The following PRRC2B variants were observed in gnomAD, a reference collection of about 807,000 sequenced individuals.
PRRC2B encodes proline rich coiled-coil 2B, also known as protein PRRC2B.
A neutral mutation model predicts 242.3 loss-of-function variants in PRRC2B; 68 were observed. The ratio of observed to expected loss-of-function variants is 0.28; its 90% CI spans 0.23 to 0.34. PRRC2B has a LOEUF of 0.34. Among genes scored for constraint, PRRC2B ranks in the 10% least tolerant of loss-of-function variants. The probability of loss-of-function intolerance (pLI) is 1.00; values close to 1 mark genes in which losing one functional copy is unlikely to be tolerated. For missense variants in PRRC2B, 2,835 were observed against 2,954.8 expected, an observed-to-expected ratio of 0.96 and a Z score of 0.94; for synonymous variants, 1,228 against 1,173.6, an observed-to-expected ratio of 1.05 and a Z score of -0.95.
At chr9:131,395,748 AAACATTAGTGGGC>A (rs2131275406) in intron 1 of PRRC2B, among the ~76,000 whole-genome samples, 1 of 152,324 alleles carries the variant, frequency 6.6e-6, no homozygotes, top group East Asian at 1.9e-4. Context: ...TTCAAGGCCC[AAACATTAGTGGGC>A]GCTTATACAG....
At chr9:131,488,669 G>A (rs1944096431) in intron 28 of PRRC2B, among the ~76,000 whole-genome samples, 1 of 152,068 alleles carries the variant, frequency 6.6e-6, no homozygotes, top group Non-Finnish European at 1.5e-5. Context: ...TGTGCAGTAG[G>A]GTGTGGAATG....
intron 1 of PRRC2B, among the ~76,000 whole-genome samples, chr9:131,379,112 TC>T (rs1205794675): frequency 1.3e-4 from 20 of 152,314 alleles, no homozygotes; most frequent in Admixed American, 4.6e-4. Context: ...TCAGCTTCTT[TC>T]CCTTAGCATA....
intron 1 of PRRC2B, among the ~76,000 whole-genome samples, chr9:131,376,673 G>A (rs143341227): frequency 6.6e-5 from 10 of 152,232 alleles, no homozygotes; most frequent in African/African-American, 2.2e-4. Flanking sequence ...TCCTTGCAGC[G>A]CCACTTGGAA....
Position 131,479,282 on chromosome 9 carries a change from C to T in PRRC2B, c.4789C>T (p.Arg1597Cys), listed in dbSNP as rs749706677. ...TGTCAAAGGTCGAGGCCTTTCCTCC[C>T]GTATTCCTCCTCGATTTGCAAAAAA... ...VPVKGRGLSS[R>C]IPPRFAKKQN... is the part of the protein sequence containing the mutation. The change falls in exon 19 of 32, where the codon CGT becomes TGT. Residue 1597 changes from arginine to cysteine, a missense_variant. By Grantham distance (180) the Arg-to-Cys change is radical (BLOSUM62 -3). This residue lies in a region of PRRC2B where 1,536 missense variants were observed against 1,483.1 expected (regional missense o/e 1.04). Transcript: ENST00000683519. The T allele has an allele frequency of 8.1e-6, 13 of 1,613,806 alleles. No homozygotes were observed. Among genetic ancestry groups the T allele is most frequent in the Admixed American group, 1.7e-5 (1 of 60,020 alleles).
At chr9:131,454,563 C>T (rs566687317) in intron 9 of PRRC2B, among the ~76,000 whole-genome samples, 14 of 152,186 alleles carry the variant, frequency 9.2e-5, no homozygotes, top group Non-Finnish European at 2.1e-4. Context: ...GACTCAGCTC[C>T]TCTGCTGGGA....
At chr9:131,463,628 C>CTTTTTTTT (rs374951504) in intron 11 of PRRC2B, among the ~76,000 whole-genome samples, 6 of 125,780 alleles carry the variant, frequency 4.8e-5, no homozygotes, top group Admixed American at 8.9e-5. Context: ...TTTAGGCATG[C>CTTTTTTTT]TTTTTTTTTT....
chr9:131,481,790 C>G lies in PRRC2B; in HGVS notation c.4965C>G (p.Thr1655=). Reference sequence around the variant, plus strand: ...AAGCTGTCACTGCCTTCAGCAGCACCGAGACTGGCTCTGCGGAGGTGAGTG... The same window carrying G: ...AAGCTGTCACTGCCTTCAGCAGCACGGAGACTGGCTCTGCGGAGGTGAGTG... ...WRKAVTAFSS[T]ETGSAEQGFK... is the part of the protein sequence containing the mutation. Residue 1655 remains threonine, a synonymous_variant, in exon 20 of 32, where the codon ACC becomes ACG. Transcript: ENST00000683519. The G allele has an allele frequency of 1.3e-6, 2 of 1,561,274 alleles. No individual in the cohort carries two copies. Among genetic ancestry groups the G allele is most frequent in the Non-Finnish European group, 1.7e-6 (2 of 1,154,780 alleles).
chr9:131,471,062 C>T, intron 14 of PRRC2B, 79 bp downstream of exon 14: 1 of 1,021,664 alleles, frequency 9.8e-7, no homozygotes, highest in South Asian at 1.5e-5. Flanking sequence ...TCGAGTTAAA[C>T]AGATACACCT....
At chr9:131,416,975 G>A (rs1333842603) in intron 1 of PRRC2B, among the ~76,000 whole-genome samples, 1 of 151,508 alleles carries the variant, frequency 6.6e-6, no homozygotes, top group East Asian at 1.9e-4. Context: ...GGCACTGTCT[G>A]TTTCCTCTGT....
chr9:131,460,199 G>A (rs12555706), intron 11 of PRRC2B, among the ~76,000 whole-genome samples: 16,814 of 152,098 alleles, frequency 0.11, 1,022 homozygotes, highest in Non-Finnish European at 0.13. Flanking sequence ...ATTGATTGTC[G>A]TTTAATCTGC....
Position 131,459,273 on chromosome 9 carries a change from G to A in PRRC2B, c.1321G>A (p.Ala441Thr). The A allele has an allele frequency of 6.2e-7, 1 of 1,613,986 alleles. No individual in the cohort carries two copies. Among genetic ancestry groups the A allele is most frequent in the African/African-American group, 1.3e-5 (1 of 75,040 alleles). Residue 441 changes from alanine (A) to threonine (T), a missense_variant, in exon 11 of 32, where the codon GCG becomes ACG. Around this residue, in one of 7 missense-constraint regions of PRRC2B, gnomAD observed 626 missense variants for 685.5 expected, o/e 0.91. Transcript: ENST00000683519. ...EGKDWAEAVG[A>T]SRVVRKAPDP... ...GAAGGACTGGGCTGAAGCAGTGGGT[G>A]CGTCCCGTGTGGTCCGAAAGGCGCC... is the stretch of plus-strand genomic sequence containing the variant.
chr9:131,438,351 G>T (rs1282677401), intron 4 of PRRC2B, among the ~76,000 whole-genome samples: 1 of 152,122 alleles, frequency 6.6e-6, no homozygotes, highest in Non-Finnish European at 1.5e-5. Context: ...CTCAGTGGGG[G>T]ATGTGACTAG....
intron 11 of PRRC2B, among the ~76,000 whole-genome samples, chr9:131,459,586 G>T (rs1440156524): frequency 3.9e-5 from 6 of 152,044 alleles, no homozygotes; most frequent in African/African-American, 1.2e-4. Flanking sequence ...ATGCCCGGCT[G>T]TTCTTACTTT....
At chr9:131,461,635 G>A (rs888918519) in intron 11 of PRRC2B, among the ~76,000 whole-genome samples, 1 of 152,200 alleles carries the variant, frequency 6.6e-6, no homozygotes, top group Non-Finnish European at 1.5e-5. Context: ...TCTGCCTCCC[G>A]GGTTCAAGCG....
At chr9:131,483,188 G>A (rs1418377545) in intron 22 of PRRC2B, among the ~76,000 whole-genome samples, 171 bp from the exon 23 acceptor site, 1 of 152,188 alleles carries the variant, frequency 6.6e-6, no homozygotes, top group African/African-American at 2.4e-5. Context: ...CTGGCGTCCT[G>A]TCTCCTGTGC....
chr9:131,424,242 A>AGT (rs1418743621), intron 1 of PRRC2B, among the ~76,000 whole-genome samples: 2 of 152,070 alleles, frequency 1.3e-5, no homozygotes, highest in East Asian at 3.9e-4. Flanking sequence ...GCGCCTGGGT[A>AGT]GTAAACCATT....
rs149837683 is a variant in PRRC2B, at chr9:131,429,146, C to T, written c.-51-948C>T. Among the ~76,000 whole-genome samples, 1,422 of 152,258 alleles carry T rather than the reference C, an allele frequency of 9.3e-3. 33 individuals are homozygous for T. Among genetic ancestry groups the T allele is most frequent in the African/African-American group, 0.032 (1,349 of 41,544 alleles). On this transcript the variant is annotated intron_variant, in intron 1 of 31. Transcript: ENST00000683519. ...GTTTTCAGTAGAGACAGGGTTTCGC[C>T]ATGCTGGCCAGGCAGGTCTCGAACT...
Position 131,499,239 on chromosome 9 carries a change from G to A in PRRC2B, c.*3365G>A, listed in dbSNP as rs1944406993. Reference sequence around the variant, plus strand: ...CGATGGTCAGTGACAGCTTCTGGAAGCTGAGCACACACAGGTGCACAGCCA... The same window carrying A: ...CGATGGTCAGTGACAGCTTCTGGAAACTGAGCACACACAGGTGCACAGCCA... On this transcript the variant is annotated 3_prime_UTR_variant, in exon 32 of 32. Coordinates refer to ENST00000683519, the MANE Select transcript of PRRC2B (RefSeq NM_013318.4). 6.6e-6 allele frequency: 1 copy of A among 152,210 alleles called. No individual in the cohort carries two copies. The allele number at this position is 152,210 out of a possible 1,614,324, so 9.4% of individuals were successfully genotyped here. A position where few individuals can be genotyped will look rare whatever the true frequency, so the allele number is the denominator to read the frequency against.
intron 18 of PRRC2B, 124 bp from the exon 19 acceptor site, chr9:131,479,128 G>A (rs969344652): frequency 5.1e-6 from 5 of 975,584 alleles, no homozygotes; most frequent in African/African-American, 1.6e-5. Context: ...GGAGACGAGC[G>A]TTCCACACAT....
Sources: allele counts gnomAD v4.1 joint callset (sites outside exome capture counted in the v4.1 genomes callset), GRCh38; gene constraint gnomAD v4.1.1; regional missense constraint gnomAD v4.1.1; transcripts MANE v1.5; gene names NCBI Gene and HGNC (gene_info 2026-07-23, HGNC 2026-07-21).